Variants in FAM193A observed in about 807,000 individuals in gnomAD.
FAM193A encodes family with sequence similarity 193 member A, also known as protein FAM193A.
A neutral mutation model predicts 126.5 loss-of-function variants in FAM193A; 22 were observed. The observed-to-expected ratio is 0.17, with a 90% confidence interval of 0.12 to 0.25. The LOEUF is 0.25. Ranked by LOEUF, FAM193A falls within the 10% of genes least tolerant of loss-of-function variation. The pLI is 1.00. For synonymous variants in FAM193A, 761 were observed against 646.8 expected (o/e 1.18, Z -2.68); for missense variants, 1,675 against 1,672.8 (o/e 1.00, Z -0.02).
At chr4:2,632,581 T>G (rs534321996) in intron 5 of FAM193A, among the ~76,000 whole-genome samples, 1 of 151,440 alleles carries the variant, frequency 6.6e-6, no homozygotes, top group African/African-American at 2.4e-5. Context: ...CATGTAATTG[T>G]AAGTCATTTC....
At chr4:2,584,170 C>T (rs556007004) in intron 1 of FAM193A, among the ~76,000 whole-genome samples, 23 of 152,040 alleles carry the variant, frequency 1.5e-4, no homozygotes, top group Non-Finnish European at 3.2e-4. Context: ...TCCCCCACTC[C>T]ATATTCATAT....
intron 1 of FAM193A, among the ~76,000 whole-genome samples, chr4:2,558,829 C>T (rs763089684): frequency 1.3e-5 from 2 of 152,160 alleles, no homozygotes; most frequent in Non-Finnish European, 2.9e-5. Context: ...GGTGAAACCC[C>T]GTCTCTACTA....
chr4:2,542,665 T>C (rs1737302503), intron 1 of FAM193A, among the ~76,000 whole-genome samples: 1 of 152,172 alleles, frequency 6.6e-6, no homozygotes, highest in Non-Finnish European at 1.5e-5. Context: ...CAAAACAGTA[T>C]CAACCAGAAA....
At chr4:2,664,747 T>G (rs574422019) in intron 12 of FAM193A, among the ~76,000 whole-genome samples, 163 of 152,038 alleles carry the variant, frequency 1.1e-3, no homozygotes, top group Non-Finnish European at 2.1e-3. Flanking sequence ...GTATTTTTAG[T>G]AGAGACGGGG....
chr4:2,704,696 C>T (rs1288417839), intron 19 of FAM193A, among the ~76,000 whole-genome samples: 1 of 152,200 alleles, frequency 6.6e-6, no homozygotes, highest in Non-Finnish European at 1.5e-5. Context: ...TTGGCCACAG[C>T]CTTGCTTATA....
chr4:2,581,768 C>T (rs963634804), intron 1 of FAM193A, among the ~76,000 whole-genome samples: 4 of 152,114 alleles, frequency 2.6e-5, no homozygotes, highest in Non-Finnish European at 2.9e-5. Context: ...ATTCTCCCGC[C>T]TCAGCCTCCC....
At chr4:2,596,457 G>T (rs1340132013) in intron 2 of FAM193A, 128 bp downstream of exon 2, 7 of 619,190 alleles carry the variant, frequency 1.1e-5, no homozygotes, top group South Asian at 1.9e-5. Flanking sequence ...CCACCTTCTA[G>T]TCTGTGTCTC....
At chr4:2,716,968 G>A (rs1394759829) in intron 20 of FAM193A, among the ~76,000 whole-genome samples, 2 of 151,198 alleles carry the variant, frequency 1.3e-5, no homozygotes, top group African/African-American at 2.4e-5. Flanking sequence ...GAGCCACCGC[G>A]CCCAGCCTAT....
Position 2,732,448 on chromosome 4 carries a change from G to A in FAM193A, c.*580G>A, listed in dbSNP as rs8426. 12,297 of 161,214 alleles carry A rather than the reference G, an allele frequency of 0.076. 890 individuals are homozygous for A. The highest frequency in any genetic ancestry group is 0.2 in the African/African-American group (8,205 of 41,634). 10.0% of individuals were successfully genotyped at this position (161,214 alleles called of 1,614,324 possible). A position where few individuals can be genotyped will look rare whatever the true frequency, so the allele number is the denominator to read the frequency against. ...GCCCACCCAGTACTCACACCATCAAGTCTGTTATAGAGTGTACGACTGTAT... is the reference window on the plus strand; with the variant it reads ...GCCCACCCAGTACTCACACCATCAAATCTGTTATAGAGTGTACGACTGTAT... On this transcript the variant is annotated 3_prime_UTR_variant, in exon 21 of 21. Transcript: ENST00000637812.
chr4:2,546,428 A>T (rs1262106960), intron 1 of FAM193A, among the ~76,000 whole-genome samples: 2 of 151,642 alleles, frequency 1.3e-5, no homozygotes, highest in African/African-American at 4.9e-5. Flanking sequence ...CACTCTCCCC[A>T]ACTCCTAAAG....
intron 3 of FAM193A, chr4:2,625,622 TC>T (rs141096799): frequency 6.0e-4 from 213 of 356,002 alleles, no homozygotes; most frequent in Non-Finnish European, 9.1e-4. Context: ...CCTTAAATAA[TC>T]AGAATCTAAG....
At chr4:2,593,550 T>C (rs1012903282) in intron 1 of FAM193A, among the ~76,000 whole-genome samples, 2 of 152,242 alleles carry the variant, frequency 1.3e-5, no homozygotes, top group African/African-American at 2.4e-5. Flanking sequence ...ATTTATTGCC[T>C]TTGTCTTTGA....
intron 7 of FAM193A, among the ~76,000 whole-genome samples, chr4:2,647,232 G>A (rs2109055061): frequency 6.6e-6 from 1 of 152,118 alleles, no homozygotes; most frequent in Non-Finnish European, 1.5e-5. Flanking sequence ...CCCAACCTCC[G>A]CCTCCCGGGT....
chr4:2,652,655 C>G (rs899310078), intron 7 of FAM193A, among the ~76,000 whole-genome samples: 1 of 152,084 alleles, frequency 6.6e-6, no homozygotes, highest in African/African-American at 2.4e-5. Context: ...AAATCTGCCC[C>G]CATGATCTGA....
intron 1 of FAM193A, among the ~76,000 whole-genome samples, chr4:2,591,817 C>T (rs1320099354): frequency 6.6e-6 from 1 of 152,134 alleles, no homozygotes; most frequent in Non-Finnish European, 1.5e-5. Context: ...CCCATGCACA[C>T]AGGCCACAGT....
intron 20 of FAM193A, among the ~76,000 whole-genome samples, chr4:2,722,912 C>T (rs1184062499): frequency 6.6e-6 from 1 of 152,164 alleles, no homozygotes; most frequent in Non-Finnish European, 1.5e-5. Context: ...ATTCTCAAAC[C>T]TTCCAGAGTG....
chr4:2,731,207 A>AC (rs1308593863), intron 20 of FAM193A, among the ~76,000 whole-genome samples: 1 of 64,340 alleles, frequency 1.6e-5, no homozygotes, highest in African/African-American at 3.7e-5. Flanking sequence ...AAAAAAAAAA[A>AC]AAAAAAAAAA....
At chr4:2,635,033 T>A (rs1743953286) in intron 5 of FAM193A, among the ~76,000 whole-genome samples, 1 of 152,256 alleles carries the variant, frequency 6.6e-6, no homozygotes. Flanking sequence ...CTTTTTGTCT[T>A]AGAATATTCC....
rs374913862 is a variant in FAM193A at position 2,681,413 on chromosome 4, C to A, written c.2332-8093C>A. 2.6e-5 allele frequency among the ~76,000 whole-genome samples: 4 copies of A among 151,792 alleles called. 1 individual carries two copies. The highest frequency in any genetic ancestry group is 1.9e-4 in the East Asian group (1 of 5,168). On this transcript the variant is annotated intron_variant, in intron 13 of 20. Transcript: ENST00000637812. ...GGTTTAGATTGTTCTTTTTCTAATT[C>A]ATTAAGATGTGAAGTTAGGGAGGGT...
Sources: allele counts gnomAD v4.1 joint callset (sites outside exome capture counted in the v4.1 genomes callset), GRCh38; gene constraint gnomAD v4.1.1; transcripts MANE v1.5; gene names NCBI Gene and HGNC (gene_info 2026-07-23, HGNC 2026-07-21).